The following MBD5 variants were observed in gnomAD, a reference collection of about 807,000 sequenced individuals.
The protein encoded by MBD5 is methyl-CpG binding domain protein 5.
MBD5 carries 13 observed loss-of-function variants against 117.3 expected under a neutral mutation model. The ratio of observed to expected loss-of-function variants is 0.11; its 90% CI spans 0.07 to 0.18. MBD5 has a LOEUF of 0.18. Among genes scored for constraint, MBD5 ranks in the 10% least tolerant of loss-of-function variants. The pLI is 1.00. For missense variants in MBD5, 1,879 were observed against 2,093.8 expected, an observed-to-expected ratio of 0.90 and a Z score of 2.00; for synonymous variants, 727 against 766.4, an observed-to-expected ratio of 0.95 and a Z score of 0.85.
At chr2:148,178,927 A>G (rs1256577273) in intron 2 of MBD5, 134 bp downstream of exon 2, 1 of 391,950 alleles carries the variant, frequency 2.6e-6, no homozygotes, top group African/African-American at 2.1e-5. Flanking sequence ...GCATTCATTC[A>G]TATTCAGACA....
chr2:148,104,051 T>C (rs964585787), intron 1 of MBD5, among the ~76,000 whole-genome samples: 1 of 152,278 alleles, frequency 6.6e-6, no homozygotes, highest in Admixed American at 6.5e-5. Context: ...TAATTTATTC[T>C]TCAATAAACA....
In MBD5 at chr2:148,514,416, A is replaced by T. The variant is rs1269534540; in HGVS notation, c.*1475A>T. 2 of 152,208 alleles carry T rather than the reference A, an allele frequency of 1.3e-5. No homozygotes were observed. Among genetic ancestry groups the T allele is most frequent in the African/African-American group, 4.8e-5 (2 of 41,450 alleles). 9.4% of individuals were successfully genotyped at this position (152,208 alleles called of 1,614,324 possible). ...ACCCTATCTTCCAGGCAGTTAAGCA[A>T]AGTTTAGGCTTCCAGCCTGACTTCA... On this transcript the variant is annotated 3_prime_UTR_variant, in exon 14 of 14. Transcript: ENST00000642680.
At chr2:148,257,784 G>A (rs1700625222) in intron 3 of MBD5, among the ~76,000 whole-genome samples, 1 of 152,210 alleles carries the variant, frequency 6.6e-6, no homozygotes, top group African/African-American at 2.4e-5. Context: ...TGTCCCATGT[G>A]AAGGCGAACT....
chr2:148,130,426 A>G (rs1253084903), intron 1 of MBD5, among the ~76,000 whole-genome samples: 1 of 152,132 alleles, frequency 6.6e-6, no homozygotes, highest in South Asian at 2.1e-4. Flanking sequence ...TTATTTTTGT[A>G]TGCTGTCCTT....
chr2:148,059,411 G>C (rs1208450535), intron 1 of MBD5, among the ~76,000 whole-genome samples: 7 of 152,108 alleles, frequency 4.6e-5, no homozygotes, highest in Admixed American at 2.6e-4. Flanking sequence ...TTACTGTTAA[G>C]TTTGCATACA....
chr2:148,162,450 C>G (rs1698028585), intron 1 of MBD5, among the ~76,000 whole-genome samples: 1 of 152,194 alleles, frequency 6.6e-6, no homozygotes. Context: ...ATTTATTTTA[C>G]ACTGTCATGA....
At chr2:148,280,332 G>A (rs957288407) in intron 3 of MBD5, among the ~76,000 whole-genome samples, 1 of 151,874 alleles carries the variant, frequency 6.6e-6, no homozygotes, top group South Asian at 2.1e-4. Flanking sequence ...GTATTTTGTC[G>A]ATTTTATTTT....
intron 4 of MBD5, among the ~76,000 whole-genome samples, chr2:148,418,207 C>T (rs1319344441): frequency 6.6e-6 from 1 of 152,066 alleles, no homozygotes; most frequent in Admixed American, 6.6e-5. Context: ...TTTTCAGATG[C>T]ATAGTTTGCA....
intron 12 of MBD5, 106 bp downstream of exon 12, chr2:148,502,615 G>A: frequency 8.9e-7 from 1 of 1,120,306 alleles, no homozygotes; most frequent in Non-Finnish European, 1.3e-6. Context: ...GCTGTGGCCT[G>A]CCTAAGTGAA....
chr2:148,488,468 A>C (rs1233114924), intron 10 of MBD5, among the ~76,000 whole-genome samples: 1 of 152,062 alleles, frequency 6.6e-6, no homozygotes, highest in Non-Finnish European at 1.5e-5. Context: ...AATTGATCCA[A>C]GATTGGGATT....
At chr2:148,039,179 T>C (rs947701386) in intron 1 of MBD5, among the ~76,000 whole-genome samples, 1 of 152,102 alleles carries the variant, frequency 6.6e-6, no homozygotes, top group African/African-American at 2.4e-5. Context: ...ATATTTTAAT[T>C]TATAAGAAAA....
intron 2 of MBD5, among the ~76,000 whole-genome samples, chr2:148,208,791 T>A (rs549951865): frequency 5.1e-4 from 78 of 152,242 alleles, no homozygotes; most frequent in African/African-American, 1.9e-3. Flanking sequence ...CTTATTTTTT[T>A]AGAAACTTTA....
chr2:148,378,994 A>C (rs1334371417), intron 4 of MBD5, among the ~76,000 whole-genome samples: 1 of 152,076 alleles, frequency 6.6e-6, no homozygotes, highest in East Asian at 1.9e-4. Context: ...AAACTACATG[A>C]AATATATGAA....
At chr2:148,051,850 G>T (rs1470293773) in intron 1 of MBD5, among the ~76,000 whole-genome samples, 1 of 151,900 alleles carries the variant, frequency 6.6e-6, no homozygotes, top group Non-Finnish European at 1.5e-5. Flanking sequence ...TTTGTGTCAA[G>T]ATATGCTGGT....
intron 4 of MBD5, among the ~76,000 whole-genome samples, chr2:148,402,057 T>C (rs1252026944): frequency 6.6e-6 from 1 of 152,166 alleles, no homozygotes; most frequent in African/African-American, 2.4e-5. Context: ...TGATGTTGAT[T>C]ACATCTTATT....
rs1209055754 is a variant in MBD5, at chr2:148,516,939, G to A, written c.*3998G>A. 1 of 152,178 alleles carries A rather than the reference G, an allele frequency of 6.6e-6. No individual in the cohort carries two copies. Among genetic ancestry groups the A allele is most frequent in the African/African-American group, 2.4e-5 (1 of 41,430 alleles). The allele number at this position is 152,178 out of a possible 1,614,324, so 9.4% of individuals were successfully genotyped here. A position where few individuals can be genotyped will look rare whatever the true frequency, so the allele number is the denominator to read the frequency against. Reference sequence around the variant, plus strand: ...TGTTTTGTAACATCATGCCTTTATGGATTAAGTATAAATACACTGGATTGT... The same window carrying A: ...TGTTTTGTAACATCATGCCTTTATGAATTAAGTATAAATACACTGGATTGT... On this transcript the variant is annotated 3_prime_UTR_variant, in exon 14 of 14. Transcript: ENST00000642680.
chr2:148,169,513 G>A (rs1170161689), intron 1 of MBD5, among the ~76,000 whole-genome samples: 1 of 152,100 alleles, frequency 6.6e-6, no homozygotes, highest in Non-Finnish European at 1.5e-5. Context: ...TCACTCACTG[G>A]TCTTCCCCAA....
rs1031906680 is a variant in MBD5 at position 148,334,882 on chromosome 2, A to C, written c.-679-7332A>C. Among the ~76,000 whole-genome samples, 5 of 152,294 alleles carry C rather than the reference A, an allele frequency of 3.3e-5. No individual in the cohort carries two copies. In the Middle Eastern group the frequency reaches 0.017, roughly 518 times the overall value. ...ATATCCAACCCTTGTACTCAGTCTC[A>C]GGGTAAGACTTGAGGAGATTTCTGT... On this transcript the variant is annotated intron_variant, in intron 3 of 13. Coordinates refer to ENST00000642680, the MANE Select transcript of MBD5 (RefSeq NM_001378120.1).
In MBD5 at chr2:148,279,407, G is replaced by A. The variant is rs1055701782; in HGVS notation, c.-680+46012G>A. 2.2e-4 allele frequency among the ~76,000 whole-genome samples: 34 copies of A among 152,180 alleles called. 1 individual carries two copies. The highest frequency in any genetic ancestry group is 2.0e-4 in the Admixed American group (3 of 15,284). On this transcript the variant is annotated intron_variant, in intron 3 of 13. Coordinates refer to ENST00000642680, the MANE Select transcript of MBD5 (RefSeq NM_001378120.1). ...ATTGCACAACTGCACTACAGCCTGG[G>A]CAACAAGCAAGACCTTGTCTCTGTA...
Sources: gnomAD v4.1 joint callset for allele counts (sites outside exome capture counted in the v4.1 genomes callset) on GRCh38, gnomAD v4.1.1 for gene constraint, MANE v1.5 for transcripts, NCBI Gene and HGNC (gene_info 2026-07-23, HGNC 2026-07-21) for gene names.